The following SLC24A3 variants were observed in gnomAD, a reference collection of about 807,000 sequenced individuals.
SLC24A3 encodes the protein sodium/potassium/calcium exchanger 3.
SLC24A3 carries 28 observed loss-of-function variants against 75.8 expected under a neutral mutation model. The observed-to-expected ratio is 0.37, with a 90% CI of 0.27 to 0.51. The LOEUF (loss-of-function observed/expected upper bound fraction) is 0.51. Ranked by LOEUF, SLC24A3 falls within the 20% of genes least tolerant of loss-of-function variation. The pLI, the probability that SLC24A3 is intolerant of heterozygous loss-of-function variation, is 0.94. For synonymous variants in SLC24A3, 372 were observed against 334.1 expected, an observed-to-expected ratio of 1.11 and a Z score of -1.24; for missense variants, 663 against 847.8, an observed-to-expected ratio of 0.78 and a Z score of 2.71.
At position 19,585,050 on chromosome 20, in the gene SLC24A3, T is replaced by G; in HGVS notation, c.503T>G (p.Val168Gly). The change falls in exon 5 of 17, where the codon GTC becomes GGC. Residue 168 changes from valine to glycine, a missense_variant. Val to Gly is a moderately radical substitution (Grantham distance 109, BLOSUM62 -3). Around this residue, in one of 2 missense-constraint regions of SLC24A3, gnomAD observed 510 missense variants for 703.6 expected, o/e 0.72. Transcript: ENST00000328041. ...TCGGCCCCAGAGCTGTTCACATCGG[T>G]CATAGGTAGGTGACAGACTGAGGGA... is the stretch of plus-strand genomic sequence containing the variant. ...GSSAPELFTS[V>G]IGVFITKGDV... The G allele has an allele frequency of 1.2e-6, 2 of 1,612,672 alleles. No individual in the cohort carries two copies. Among genetic ancestry groups the G allele is most frequent in the Non-Finnish European group, 1.7e-6 (2 of 1,178,802 alleles).
intron 2 of SLC24A3, among the ~76,000 whole-genome samples, chr20:19,415,544 G>A (rs1986812296): frequency 6.6e-6 from 1 of 152,092 alleles, no homozygotes; most frequent in Non-Finnish European, 1.5e-5. Context: ...TTTAAAAAAA[G>A]TGAGATAAAA....
chr20:19,407,773 T>C (rs1475763788), intron 2 of SLC24A3, among the ~76,000 whole-genome samples: 1 of 152,232 alleles, frequency 6.6e-6, no homozygotes, highest in African/African-American at 2.4e-5. Context: ...CAAGGACATA[T>C]TGGCAATGGT....
At position 19,721,370 on chromosome 20, in the gene SLC24A3, T is replaced by C; in HGVS notation, c.*230T>C. 2 of 481,218 alleles carry C rather than the reference T, an allele frequency of 4.2e-6. No homozygotes were observed. Among genetic ancestry groups the C allele is most frequent in the African/African-American group, 3.9e-5 (2 of 50,972 alleles). 29.8% of individuals were successfully genotyped at this position (481,218 alleles called of 1,614,324 possible). On this transcript the variant is annotated 3_prime_UTR_variant, in exon 17 of 17. Transcript: ENST00000328041. ...TTCCTGCCTCCTCCGTGTGAAGACA[T>C]CCAACATCCACGTGACTTTTCCAGC...
intron 15 of SLC24A3, among the ~76,000 whole-genome samples, chr20:19,714,175 G>A (rs2033018807): frequency 6.6e-6 from 1 of 152,150 alleles, no homozygotes; most frequent in Non-Finnish European, 1.5e-5. Context: ...GGCCAATGCT[G>A]GAGGATTGCT....
intron 7 of SLC24A3, among the ~76,000 whole-genome samples, chr20:19,654,395 C>T (rs1033456640): frequency 6.6e-6 from 1 of 152,064 alleles, no homozygotes; most frequent in African/African-American, 2.4e-5. Context: ...CTGAGACCCT[C>T]GTGAGCATGG....
intron 8 of SLC24A3, among the ~76,000 whole-genome samples, chr20:19,667,939 G>A (rs767344875): frequency 2.4e-4 from 36 of 152,176 alleles, no homozygotes; most frequent in Non-Finnish European, 4.6e-4. Flanking sequence ...CCTGAGCACC[G>A]AGGCTCCCTC....
chr20:19,510,794 A>G (rs1988524034), intron 2 of SLC24A3, among the ~76,000 whole-genome samples: 1 of 152,208 alleles, frequency 6.6e-6, no homozygotes, highest in Non-Finnish European at 1.5e-5. Flanking sequence ...CTCCAGAGCT[A>G]TGAGAGATAA....
At chr20:19,523,123 A>G (rs2030134922) in intron 3 of SLC24A3, among the ~76,000 whole-genome samples, 1 of 152,224 alleles carries the variant, frequency 6.6e-6, no homozygotes. Context: ...CACAAAAATC[A>G]GTAGCATTTC....
intron 3 of SLC24A3, among the ~76,000 whole-genome samples, chr20:19,520,292 C>A (rs2030075234): frequency 6.6e-6 from 1 of 152,132 alleles, no homozygotes; most frequent in Non-Finnish European, 1.5e-5. Context: ...CTGAGATGTC[C>A]CATAGGAAAC....
chr20:19,356,741 A>G (rs1813653576), intron 2 of SLC24A3, among the ~76,000 whole-genome samples: 1 of 152,172 alleles, frequency 6.6e-6, no homozygotes, highest in Non-Finnish European at 1.5e-5. Context: ...AGGTTCTACC[A>G]AACTGTTCTC....
intron 6 of SLC24A3, among the ~76,000 whole-genome samples, chr20:19,645,384 G>A (rs770479559): frequency 2.0e-5 from 3 of 152,154 alleles, no homozygotes; most frequent in Non-Finnish European, 2.9e-5. Flanking sequence ...AATTATTTTA[G>A]ATCAGGGATC....
At chr20:19,503,600 C>A (rs1988418470) in intron 2 of SLC24A3, among the ~76,000 whole-genome samples, 1 of 152,152 alleles carries the variant, frequency 6.6e-6, no homozygotes, top group South Asian at 2.1e-4. Context: ...AAATGATTTC[C>A]TGCAGTCAAC....
chr20:19,535,538 C>T (rs1463291552), intron 3 of SLC24A3, among the ~76,000 whole-genome samples: 3 of 152,216 alleles, frequency 2.0e-5, no homozygotes, highest in African/African-American at 7.2e-5. Context: ...ACAACTTCCC[C>T]TCCAGTACAT....
intron 2 of SLC24A3, among the ~76,000 whole-genome samples, chr20:19,421,806 A>C (rs1184901745): frequency 6.6e-6 from 1 of 152,222 alleles, no homozygotes; most frequent in East Asian, 1.9e-4. Context: ...GGTTCAACAC[A>C]GGAAGAAGAG....
chr20:19,698,766 G>C, intron 15 of SLC24A3, 86 bp downstream of exon 15: 2 of 953,628 alleles, frequency 2.1e-6, no homozygotes, highest in Non-Finnish European at 3.2e-6. Flanking sequence ...TCTTTGTCTC[G>C]GGGAAAAAGG....
intron 2 of SLC24A3, among the ~76,000 whole-genome samples, chr20:19,333,203 T>C (rs1985040793): frequency 6.6e-6 from 1 of 152,228 alleles, no homozygotes; most frequent in African/African-American, 2.4e-5. Context: ...GGATGTGTAG[T>C]GGGACAGTGG....
intron 3 of SLC24A3, among the ~76,000 whole-genome samples, chr20:19,558,575 G>T (rs887778819): frequency 1.3e-5 from 2 of 152,098 alleles, no homozygotes; most frequent in Admixed American, 6.6e-5. Context: ...CAGATCCTTG[G>T]TCTTTTCTTA....
rs1031789979 is a variant in SLC24A3 at position 19,408,965 on chromosome 20, C to T, written c.272-106523C>T. 1.2e-4 allele frequency among the ~76,000 whole-genome samples: 18 copies of T among 152,052 alleles called. 1 individual carries two copies. Among genetic ancestry groups the T allele is most frequent in the Admixed American group, 1.0e-3 (16 of 15,268 alleles). ...TGCTGTATGCTTTCACTGTTCTGGG[C>T]GCAAGAGACACAGGGATGCACATGA... is the stretch of plus-strand genomic sequence containing the variant. On this transcript the variant is annotated intron_variant, in intron 2 of 16. Transcript: ENST00000328041.
intron 1 of SLC24A3, among the ~76,000 whole-genome samples, chr20:19,253,179 A>T (rs1309823204): frequency 1.3e-5 from 2 of 152,126 alleles, no homozygotes; most frequent in Non-Finnish European, 2.9e-5. Context: ...GAGGGGACAG[A>T]CCTAAAGACT....
Sources: allele counts gnomAD v4.1 joint callset (sites outside exome capture counted in the v4.1 genomes callset), GRCh38; gene constraint gnomAD v4.1.1; regional missense constraint gnomAD v4.1.1; transcripts MANE v1.5; gene names NCBI Gene and HGNC (gene_info 2026-07-23, HGNC 2026-07-21).